The following PTAR1 variants were observed in gnomAD, a reference collection of about 807,000 sequenced individuals.
PTAR1 encodes protein prenyltransferase alpha subunit repeat-containing protein 1.
A neutral mutation model predicts 45.5 loss-of-function variants in PTAR1; 17 were observed. The ratio of observed to expected loss-of-function variants is 0.37; its 90% CI spans 0.26 to 0.56. PTAR1 has a LOEUF of 0.56. Ranked by LOEUF, PTAR1 falls within the 20% of genes least tolerant of loss-of-function variation. PTAR1 has a pLI of 0.77. For synonymous variants in PTAR1, 169 were observed against 171.3 expected (o/e 0.99, Z 0.11); for missense variants, 391 against 476.3 (o/e 0.82, Z 1.67).
intron 2 of PTAR1, among the ~76,000 whole-genome samples, chr9:69,750,178 T>TA (rs199976014): frequency 0.019 from 2,693 of 144,444 alleles, 34 homozygotes; most frequent in African/African-American, 0.036. Flanking sequence ...TCTGATGCAG[T>TA]AAAAAAAAAA....
rs2134067108 is a variant in PTAR1 at position 69,716,906 on chromosome 9, C to T, written c.*1436G>A. The stretch of plus-strand genomic sequence containing the variant: ...AAAGGAAAGGTATACAAAAATGACA[C>T]ACAAAAGTGACAAAAAATACGTAAT... On this transcript the variant is annotated 3_prime_UTR_variant, in exon 8 of 8. Transcript: ENST00000340434. 1 of 152,162 alleles carries T rather than the reference C, an allele frequency of 6.6e-6. No homozygotes were observed. The highest frequency in any genetic ancestry group is 1.9e-4 in the East Asian group (1 of 5,178). 9.4% of individuals were successfully genotyped at this position (152,162 alleles called of 1,614,324 possible).
chr9:69,740,202 T>G (rs1331268458), intron 3 of PTAR1, among the ~76,000 whole-genome samples: 4 of 151,884 alleles, frequency 2.6e-5, no homozygotes, highest in African/African-American at 7.3e-5. Flanking sequence ...TGTATATAGG[T>G]GTGTGTGTGT....
intron 5 of PTAR1, among the ~76,000 whole-genome samples, chr9:69,731,713 G>A (rs1825546101): frequency 6.6e-6 from 1 of 152,172 alleles, no homozygotes; most frequent in Non-Finnish European, 1.5e-5. Flanking sequence ...ACCTGGGTGA[G>A]ATTGTCTATC....
At chr9:69,728,166 C>T (rs749105913) in intron 5 of PTAR1, among the ~76,000 whole-genome samples, 5 of 151,978 alleles carry the variant, frequency 3.3e-5, no homozygotes, top group African/African-American at 7.3e-5. Flanking sequence ...TGCATGGATA[C>T]GCCACATTTT....
At chr9:69,734,386 G>GA in intron 3 of PTAR1, 132 bp from the exon 4 acceptor site, 1 of 406,352 alleles carries the variant, frequency 2.5e-6, no homozygotes, top group Non-Finnish European at 4.2e-6. Context: ...AAAAAAGAAA[G>GA]AAAAAAAGCC....
intron 2 of PTAR1, among the ~76,000 whole-genome samples, chr9:69,747,561 AT>A (rs1268970936): frequency 6.6e-6 from 1 of 152,184 alleles, no homozygotes; most frequent in East Asian, 1.9e-4. Flanking sequence ...AGCAAAGGAA[AT>A]TTGACAAGAA....
Position 69,725,279 on chromosome 9 carries a change from A to C in PTAR1, c.643-1649T>G, listed in dbSNP as rs1426379763. ...GCAGTTTATTATTTAATTTTGAGGC[A>C]AAAATAGCACACATATAAAAGATGT... On this transcript the variant is annotated intron_variant, in intron 5 of 7. Transcript: ENST00000340434. Among the ~76,000 whole-genome samples, 3 of 152,110 alleles carry C rather than the reference A, an allele frequency of 2.0e-5. No individual in the cohort carries two copies. In the East Asian group the frequency reaches 5.8e-4, roughly 29 times the overall value.
At chr9:69,743,611 T>C (rs748513231) in intron 2 of PTAR1, among the ~76,000 whole-genome samples, 68 of 152,206 alleles carry the variant, frequency 4.5e-4, no homozygotes, top group Non-Finnish European at 9.4e-4. Context: ...AATATGCCTA[T>C]GAAGAATAAT....
chr9:69,721,016 G>C (rs1824975212), intron 6 of PTAR1, among the ~76,000 whole-genome samples: 1 of 152,184 alleles, frequency 6.6e-6, no homozygotes, highest in Non-Finnish European at 1.5e-5. Flanking sequence ...GGATCAAGCA[G>C]AAACTTCAAC....
intron 3 of PTAR1, among the ~76,000 whole-genome samples, chr9:69,734,970 C>A (rs1021462590): frequency 6.6e-6 from 1 of 152,036 alleles, no homozygotes; most frequent in Non-Finnish European, 1.5e-5. Flanking sequence ...ATTTAGGTTG[C>A]GTCAAACTTT....
In PTAR1 at chr9:69,734,258, TAAAAAAAA is replaced by T. The variant is rs398010830; in HGVS notation, c.324-12_324-5del. On this transcript the variant is annotated splice_polypyrimidine_tract_variant and splice_region_variant and intron_variant, in intron 3 of 7. Transcript: ENST00000340434. The stretch of plus-strand genomic sequence containing the variant: ...GCCAGAGAGGATCAGCTCTTTCCTG[TAAAAAAAA>T]AAAAAAAAAAAAAAAAAAATTAAAC... 116 of 207,658 alleles carry T rather than the reference TAAAAAAAA, an allele frequency of 5.6e-4. 1 individual carries two copies. In the Middle Eastern group the frequency reaches 9.4e-3, roughly 17 times the overall value. 12.9% of individuals were successfully genotyped at this position (207,658 alleles called of 1,614,324 possible).
In PTAR1 at chr9:69,734,160, A is replaced by G; in HGVS notation, c.418T>C (p.Trp140Arg). 1 of 1,541,908 alleles carries G rather than the reference A, an allele frequency of 6.5e-7. No individual in the cohort carries two copies. Among genetic ancestry groups the G allele is most frequent in the Non-Finnish European group, 8.9e-7 (1 of 1,125,576 alleles). The change falls in exon 4 of 8, where the codon TGG becomes CGG. Residue 140 changes from tryptophan to arginine, a missense_variant. By Grantham distance (101) the Trp-to-Arg change is moderately radical (BLOSUM62 -3). Coordinates refer to ENST00000340434, the MANE Select transcript of PTAR1 (RefSeq NM_001099666.2). ...GTAAATTAACCACACCTGTGAATCC[A>G]TGTTTCTGGACTCTTTGGAAACTTG... ...LTKFPKSPET[W>R]IHRRWVLQQL... is the part of the protein sequence containing the mutation.
chr9:69,735,413 T>G (rs898635982), intron 3 of PTAR1, among the ~76,000 whole-genome samples: 1 of 152,208 alleles, frequency 6.6e-6, no homozygotes, highest in African/African-American at 2.4e-5. Flanking sequence ...GTTGTTACAT[T>G]ATTCAGGGAC....
intron 4 of PTAR1, among the ~76,000 whole-genome samples, chr9:69,732,869 A>G (rs1015533571): frequency 6.6e-6 from 1 of 152,230 alleles, no homozygotes; most frequent in Non-Finnish European, 1.5e-5. Flanking sequence ...GGTAACAAAT[A>G]TAATTCATTA....
At chr9:69,734,514 A>AT (rs1825692190) in intron 3 of PTAR1, among the ~76,000 whole-genome samples, 1 of 152,118 alleles carries the variant, frequency 6.6e-6, no homozygotes, top group Non-Finnish European at 1.5e-5. Flanking sequence ...AAATCAACAG[A>AT]TTTTAACGAT....
intron 1 of PTAR1, among the ~76,000 whole-genome samples, chr9:69,754,346 A>C (rs1468800993): frequency 1.3e-5 from 2 of 151,984 alleles, no homozygotes; most frequent in African/African-American, 4.8e-5. Context: ...TTAGCCCCAA[A>C]CCCCTGACAC....
At chr9:69,732,095 A>T in intron 5 of PTAR1, 44 bp downstream of exon 5, 3 of 1,385,278 alleles carry the variant, frequency 2.2e-6, no homozygotes, top group Non-Finnish European at 3.0e-6. Context: ...AGAAGATTTT[A>T]AGGGCAGACA....
chr9:69,732,100 C>G, intron 5 of PTAR1, 39 bp downstream of exon 5: 1 of 1,451,710 alleles, frequency 6.9e-7, no homozygotes, highest in South Asian at 1.2e-5. Context: ...ATTTTAAGGG[C>G]AGACAGGCAG....
chr9:69,723,226 G>A, intron 6 of PTAR1, 100 bp downstream of exon 6: 2 of 985,994 alleles, frequency 2.0e-6, no homozygotes, highest in Non-Finnish European at 3.1e-6. Context: ...AGATGACCAT[G>A]TTTACCCAAG....
Sources: allele counts gnomAD v4.1 joint callset (sites outside exome capture counted in the v4.1 genomes callset), GRCh38; gene constraint gnomAD v4.1.1; transcripts MANE v1.5; gene names NCBI Gene and HGNC (gene_info 2026-07-23, HGNC 2026-07-21).